Variants in DSCAM observed in about 807,000 individuals in gnomAD.
The protein encoded by DSCAM is DS cell adhesion molecule, also known as cell adhesion molecule DSCAM.
A neutral mutation model predicts 217.7 loss-of-function variants in DSCAM; 47 were observed. That is an observed-to-expected ratio of 0.22 (90% CI 0.17 to 0.28). The LOEUF (loss-of-function observed/expected upper bound fraction) is 0.28. Among genes scored for constraint, DSCAM ranks in the 10% least tolerant of loss-of-function variants. The pLI, the probability that DSCAM is intolerant of heterozygous loss-of-function variation, is 1.00. For synonymous variants in DSCAM, 1,056 were observed against 1,015.3 expected (o/e 1.04, Z -0.76); for missense variants, 2,080 against 2,618.3 (o/e 0.79, Z 4.49).
intron 3 of DSCAM, among the ~76,000 whole-genome samples, chr21:40,582,509 G>A (rs1173055927): frequency 6.6e-6 from 1 of 152,166 alleles, no homozygotes; most frequent in Non-Finnish European, 1.5e-5. Context: ...TATACACATA[G>A]TATGTAGTAA....
chr21:40,126,930 T>G (rs1202807976), intron 19 of DSCAM, among the ~76,000 whole-genome samples: 1 of 152,242 alleles, frequency 6.6e-6, no homozygotes, highest in Middle Eastern at 3.2e-3. Context: ...TTTTCAGAGC[T>G]AGAACTTAAC....
In DSCAM at chr21:40,529,597, T is replaced by C. The variant is rs554931887; in HGVS notation, c.509-160352A>G. On this transcript the variant is annotated intron_variant, in intron 3 of 32. Coordinates refer to ENST00000400454, the MANE Select transcript of DSCAM (RefSeq NM_001389.5). ...GGATATTGCACCATCATGTCCCTCA[T>C]ATCAGCACCTGCCTGGACCATAATA... 4.0e-3 allele frequency among the ~76,000 whole-genome samples: 607 copies of C among 152,150 alleles called. 6 individuals are homozygous for C. Among genetic ancestry groups the C allele is most frequent in the Non-Finnish European group, 5.0e-3 (339 of 68,008 alleles).
intron 2 of DSCAM, among the ~76,000 whole-genome samples, chr21:40,694,741 A>G (rs1431754199): frequency 6.6e-6 from 1 of 152,036 alleles, no homozygotes; most frequent in Non-Finnish European, 1.5e-5. Context: ...AGGGCGCCCA[A>G]GAGACTGACC....
At position 40,131,925 on chromosome 21, in the gene DSCAM, A is replaced by G. The variant is rs951563472; in HGVS notation, c.3562+1929T>C. On this transcript the variant is annotated intron_variant, in intron 19 of 32. Transcript: ENST00000400454. The stretch of plus-strand genomic sequence containing the variant: ...GGGTCAAGTTTTGAGACAGAACTCC[A>G]TGATTCTTAAAACTCCAATATTAAT... Among the ~76,000 whole-genome samples, 6 of 152,216 alleles carry G rather than the reference A, an allele frequency of 3.9e-5. No homozygotes were observed. The South Asian group carries it at 1.2e-3, about 32-fold the overall frequency.
At chr21:40,536,725 T>C (rs2076502591) in intron 3 of DSCAM, among the ~76,000 whole-genome samples, 1 of 152,222 alleles carries the variant, frequency 6.6e-6, no homozygotes, top group Admixed American at 6.5e-5. Context: ...TCTAATCTAA[T>C]TCAGGGTGAA....
chr21:40,171,453 T>C lies in DSCAM; in HGVS notation c.2948-4165A>G, dbSNP rs557250989. 3.9e-5 allele frequency among the ~76,000 whole-genome samples: 6 copies of C among 152,258 alleles called. No homozygotes were observed. In the East Asian group the frequency reaches 1.2e-3, roughly 29 times the overall value. Reference sequence around the variant, plus strand: ...TTCTTGTATCCAGGACAGACTTAACTGTTTTTAAGAATGTAACAGCTTTAT... The same window carrying C: ...TTCTTGTATCCAGGACAGACTTAACCGTTTTTAAGAATGTAACAGCTTTAT... On this transcript the variant is annotated intron_variant, in intron 15 of 32. Transcript: ENST00000400454.
intron 3 of DSCAM, among the ~76,000 whole-genome samples, chr21:40,546,624 C>T (rs1424601495): frequency 1.3e-5 from 2 of 152,172 alleles, no homozygotes; most frequent in Non-Finnish European, 1.5e-5. Context: ...CATGCATGGA[C>T]CTCAGTGGCC....
chr21:40,731,778 G>C (rs2091014962), intron 1 of DSCAM, among the ~76,000 whole-genome samples: 1 of 133,500 alleles, frequency 7.5e-6, no homozygotes, highest in South Asian at 2.4e-4. Flanking sequence ...ACCCAGGCTG[G>C]AGTGCAATGG....
chr21:40,819,339 C>A (rs543216054), intron 1 of DSCAM, among the ~76,000 whole-genome samples: 6 of 152,324 alleles, frequency 3.9e-5, no homozygotes, highest in Admixed American at 1.3e-4. Context: ...GGCAGGGGAG[C>A]TTTTCAGCCC....
At chr21:40,740,439 A>G (rs941251303) in intron 1 of DSCAM, among the ~76,000 whole-genome samples, 4 of 152,208 alleles carry the variant, frequency 2.6e-5, no homozygotes, top group East Asian at 1.9e-4. Flanking sequence ...TCCTCCCCCA[A>G]TATGTTTCCC....
chr21:40,609,382 T>G (rs548510799), intron 3 of DSCAM, among the ~76,000 whole-genome samples: 29 of 152,350 alleles, frequency 1.9e-4, no homozygotes, highest in Admixed American at 1.2e-3. Flanking sequence ...ATTGTTGCCA[T>G]AAAATTTGTA....
intron 1 of DSCAM, among the ~76,000 whole-genome samples, chr21:40,710,036 C>T (rs1275236364): frequency 6.6e-6 from 1 of 152,198 alleles, no homozygotes; most frequent in Non-Finnish European, 1.5e-5. Context: ...ACCATTCTAA[C>T]TGGCATGAGA....
At chr21:40,166,780 T>G (rs901838420) in intron 16 of DSCAM, among the ~76,000 whole-genome samples, 2 of 152,208 alleles carry the variant, frequency 1.3e-5, no homozygotes, top group Non-Finnish European at 2.9e-5. Flanking sequence ...AGGGGCTTTC[T>G]TGAGAACACA....
Position 40,029,679 on chromosome 21 carries a change from G to A in DSCAM, c.5686+12692C>T, listed in dbSNP as rs145607151. ...ACTATTCTGACCAAGGCTGGCCACC[G>A]TATTCTCAGTTGTCATTTTGACCAT... On this transcript the variant is annotated intron_variant, in intron 32 of 32. Transcript: ENST00000400454. Among the ~76,000 whole-genome samples, 67 of 152,268 alleles carry A rather than the reference G, an allele frequency of 4.4e-4. 1 individual carries two copies. The East Asian group carries it at 0.011, about 25-fold the overall frequency.
At chr21:40,360,710 A>G (rs906944216) in intron 4 of DSCAM, among the ~76,000 whole-genome samples, 1 of 152,022 alleles carries the variant, frequency 6.6e-6, no homozygotes, top group Non-Finnish European at 1.5e-5. Context: ...TATCCAATCT[A>G]CCATTGATGG....
chr21:40,399,433 C>A (rs572482753), intron 3 of DSCAM, among the ~76,000 whole-genome samples: 1 of 152,160 alleles, frequency 6.6e-6, no homozygotes, highest in East Asian at 1.9e-4. Context: ...CTTTAGAGTT[C>A]TTTAGGAAAT....
intron 3 of DSCAM, among the ~76,000 whole-genome samples, chr21:40,652,128 G>C (rs2090021009): frequency 6.7e-6 from 1 of 148,742 alleles, no homozygotes; most frequent in African/African-American, 2.5e-5. Flanking sequence ...ACATGGAGGG[G>C]AACAACACAC....
At chr21:40,321,353 C>T (rs1035892995) in intron 8 of DSCAM, among the ~76,000 whole-genome samples, 1 of 152,212 alleles carries the variant, frequency 6.6e-6, no homozygotes, top group African/African-American at 2.4e-5. Flanking sequence ...CCAAACCAAA[C>T]ATAGCAAGTT....
At chr21:40,792,219 A>G (rs535700577) in intron 1 of DSCAM, among the ~76,000 whole-genome samples, 1 of 148,002 alleles carries the variant, frequency 6.8e-6, no homozygotes, top group African/African-American at 2.5e-5. Context: ...GCTCACTGCA[A>G]CCTCAACTTC....
Sources: gnomAD v4.1 joint callset for allele counts (sites outside exome capture counted in the v4.1 genomes callset) on GRCh38, gnomAD v4.1.1 for gene constraint, MANE v1.5 for transcripts, NCBI Gene and HGNC (gene_info 2026-07-23, HGNC 2026-07-21) for gene names.